The following CUL3 variants were observed in gnomAD, a reference collection of about 807,000 sequenced individuals.
The protein encoded by CUL3 is cullin-3.
In CUL3, 19 loss-of-function variants were observed where a neutral mutation model predicts 89.1. The ratio of observed to expected loss-of-function variants is 0.21; its 90% CI spans 0.15 to 0.31. CUL3 has a LOEUF of 0.31. Ranked by LOEUF, CUL3 falls within the 10% of genes least tolerant of loss-of-function variation. CUL3 has a pLI of 1.00. For missense variants in CUL3, 469 were observed against 942.3 expected (o/e 0.50, Z 6.58); for synonymous variants, 351 against 308.4 (o/e 1.14, Z -1.45).
chr2:224,571,870 A>C (rs1695188305), intron 1 of CUL3, among the ~76,000 whole-genome samples: 1 of 152,208 alleles, frequency 6.6e-6, no homozygotes, highest in South Asian at 2.1e-4. Context: ...TCTTTTACTG[A>C]AATTTTTGGA....
chr2:224,570,325 C>T (rs1695154901), intron 1 of CUL3, among the ~76,000 whole-genome samples: 2 of 152,126 alleles, frequency 1.3e-5, no homozygotes, highest in Admixed American at 6.5e-5. Flanking sequence ...AGAAAAACAG[C>T]CCAGTGGGAC....
At chr2:224,561,191 C>A (rs970716004) in intron 1 of CUL3, among the ~76,000 whole-genome samples, 9 of 152,132 alleles carry the variant, frequency 5.9e-5, no homozygotes, top group Non-Finnish European at 1.2e-4. Flanking sequence ...TTTTCACTGC[C>A]AAATTCCTCA....
At chr2:224,554,091 C>A (rs907410130) in intron 2 of CUL3, among the ~76,000 whole-genome samples, 23 of 152,108 alleles carry the variant, frequency 1.5e-4, no homozygotes, top group Non-Finnish European at 3.1e-4. Context: ...TCTCCTCACT[C>A]TTTGGACGAG....
intron 12 of CUL3, among the ~76,000 whole-genome samples, chr2:224,496,717 G>T (rs1036804087): frequency 6.6e-6 from 1 of 152,058 alleles, no homozygotes; most frequent in Non-Finnish European, 1.5e-5. Context: ...TGGGGGAGGA[G>T]GGGGGAACTG....
intron 3 of CUL3, among the ~76,000 whole-genome samples, chr2:224,521,400 A>T (rs1256829727): frequency 6.6e-6 from 1 of 151,460 alleles, no homozygotes; most frequent in Non-Finnish European, 1.5e-5. Context: ...TTTTAATAAC[A>T]TGTTTGCTTT....
chr2:224,480,663 T>C (rs1256202552), intron 14 of CUL3, among the ~76,000 whole-genome samples: 1 of 152,168 alleles, frequency 6.6e-6, no homozygotes, highest in African/African-American at 2.4e-5. Flanking sequence ...GTTACTTATT[T>C]AGGGTACAGT....
At chr2:224,583,817 A>C (rs1389943025) in intron 1 of CUL3, among the ~76,000 whole-genome samples, 1 of 152,216 alleles carries the variant, frequency 6.6e-6, no homozygotes, top group East Asian at 1.9e-4. Context: ...TCCTCACTGC[A>C]ACTGCGCTTC....
chr2:224,500,922 C>CA (rs893408013), intron 10 of CUL3, among the ~76,000 whole-genome samples: 33 of 151,916 alleles, frequency 2.2e-4, no homozygotes, highest in Middle Eastern at 3.4e-3. Context: ...TCGCACCCGG[C>CA]AAAAAAACAG....
intron 1 of CUL3, among the ~76,000 whole-genome samples, chr2:224,573,940 T>A (rs1009230469): frequency 2.6e-5 from 4 of 152,082 alleles, no homozygotes; most frequent in African/African-American, 9.7e-5. Context: ...CAAGGCAACC[T>A]CTAGTGGAAA....
intron 2 of CUL3, among the ~76,000 whole-genome samples, chr2:224,546,282 T>A (rs1204281941): frequency 6.6e-6 from 1 of 152,046 alleles, no homozygotes. Flanking sequence ...TGTTCTCGAG[T>A]ACGATGGAAA....
At chr2:224,476,009 GTATTT>G (rs1328172024) in intron 15 of CUL3, among the ~76,000 whole-genome samples, 3 of 150,546 alleles carry the variant, frequency 2.0e-5, no homozygotes, top group African/African-American at 7.4e-5. Flanking sequence ...ACAGTCACAT[GTATTT>G]ATTTATTTTT....
chr2:224,582,230 G>T (rs1317351784), intron 1 of CUL3, among the ~76,000 whole-genome samples: 1 of 152,194 alleles, frequency 6.6e-6, no homozygotes, highest in Non-Finnish European at 1.5e-5. Flanking sequence ...GCCTCCCAAA[G>T]TGCTGGGATC....
intron 11 of CUL3, among the ~76,000 whole-genome samples, chr2:224,498,148 T>C (rs1692237920): frequency 6.6e-6 from 1 of 152,162 alleles, no homozygotes; most frequent in South Asian, 2.1e-4. Flanking sequence ...AAGACCACCT[T>C]TCTCCATAGT....
chr2:224,574,388 G>A (rs762874584), intron 1 of CUL3, among the ~76,000 whole-genome samples: 10 of 152,140 alleles, frequency 6.6e-5, no homozygotes, highest in Non-Finnish European at 1.3e-4. Flanking sequence ...GCAACTACAG[G>A]ATCAGTTCTC....
At chr2:224,567,739 CA>C (rs11338737) in intron 1 of CUL3, among the ~76,000 whole-genome samples, 26,278 of 138,730 alleles carry the variant, frequency 0.19, 2,421 homozygotes, top group South Asian at 0.29. Context: ...GACTCTGTCT[CA>C]AAAAAAAAAA....
chr2:224,511,266 ATAT>A (rs1692815866), intron 6 of CUL3, 85 bp downstream of exon 6: 1 of 915,228 alleles, frequency 1.1e-6, no homozygotes, highest in East Asian at 2.6e-5. Context: ...TTGAAAGCTG[ATAT>A]TATCTGCTTT....
chr2:224,525,366 T>G (rs1022287577), intron 3 of CUL3, among the ~76,000 whole-genome samples: 8 of 152,312 alleles, frequency 5.3e-5, no homozygotes, highest in Middle Eastern at 3.4e-3. Context: ...AATGTATGAT[T>G]TTGGCGGGTT....
chr2:224,543,682 C>G (rs1416738138), intron 2 of CUL3, among the ~76,000 whole-genome samples: 2 of 152,142 alleles, frequency 1.3e-5, no homozygotes, highest in African/African-American at 4.8e-5. Context: ...TCTCAGCACT[C>G]AAAAAGTTTC....
chr2:224,557,610 T>C (rs2106303750), intron 2 of CUL3, 49 bp downstream of exon 2: 1 of 1,326,710 alleles, frequency 7.5e-7, no homozygotes, highest in Non-Finnish European at 1.1e-6. Context: ...GTATAAAGGA[T>C]TTTCTACATT....
Sources: gnomAD v4.1 joint callset for allele counts (sites outside exome capture counted in the v4.1 genomes callset) on GRCh38, gnomAD v4.1.1 for gene constraint, MANE v1.5 for transcripts, NCBI Gene and HGNC (gene_info 2026-07-23, HGNC 2026-07-21) for gene names.